TARBP1: variants seen among roughly 807,000 people sequenced by gnomAD.
TARBP1 encodes tRNA (guanosine(18)-2'-O)-methyltransferase TARBP1.
In TARBP1, 144 loss-of-function variants were observed where a neutral mutation model predicts 178.6. That is an observed-to-expected ratio of 0.81 (90% CI 0.70 to 0.93). The LOEUF (loss-of-function observed/expected upper bound fraction) is 0.93. Among genes scored for constraint, TARBP1 ranks in the 40% least tolerant of loss-of-function variants. The pLI is 0.00. For missense variants in TARBP1, 2,067 were observed against 2,011.7 expected (o/e 1.03, Z -0.53); for synonymous variants, 787 against 781.0 (o/e 1.01, Z -0.13).
At chr1:234,395,281 G>C (rs555995002) in intron 26 of TARBP1, among the ~76,000 whole-genome samples, 1 of 152,160 alleles carries the variant, frequency 6.6e-6, no homozygotes, top group Non-Finnish European at 1.5e-5. Context: ...AAAATTTTAA[G>C]AAGGAGAGTA....
chr1:234,476,907 C>T (rs1669617471), intron 1 of TARBP1, among the ~76,000 whole-genome samples: 1 of 152,194 alleles, frequency 6.6e-6, no homozygotes, highest in South Asian at 2.1e-4. Flanking sequence ...AATAACTGGC[C>T]GAGCGCGGTG....
At chr1:234,464,200 T>C (rs1335169760) in intron 5 of TARBP1, among the ~76,000 whole-genome samples, 1 of 152,214 alleles carries the variant, frequency 6.6e-6, no homozygotes, top group Non-Finnish European at 1.5e-5. Flanking sequence ...CCCTTCCACA[T>C]ATATGAATCT....
At chr1:234,457,594 C>T (rs1027064991) in intron 9 of TARBP1, 73 bp downstream of exon 9, 2 of 919,004 alleles carry the variant, frequency 2.2e-6, no homozygotes, top group Non-Finnish European at 3.3e-6. Flanking sequence ...ATATAAATGG[C>T]TACTAAGAAA....
In TARBP1 at chr1:234,478,553, GC is replaced by G; in HGVS notation, c.550del (p.Ala184ProfsTer43). ...GGGDGDEAGP[A>X]EDAAALVAGR... is the part of the protein sequence containing the mutation. ...GGCCACCAGCGCCGCCGCGTCCTCG[GC>G]AGGCCCGGCCTCATCCCCGTCCCCG... On this transcript the variant is annotated frameshift_variant, in exon 1 of 30. Coordinates refer to ENST00000040877, the MANE Select transcript of TARBP1 (RefSeq NM_005646.4). LOFTEE classifies it high-confidence loss of function. The G allele has an allele frequency of 7.4e-7, 1 of 1,344,136 alleles. No individual in the cohort carries two copies. Among genetic ancestry groups the G allele is most frequent in the Non-Finnish European group, 9.6e-7 (1 of 1,046,646 alleles). 83.3% of individuals were successfully genotyped at this position (1,344,136 alleles called of 1,614,324 possible).
rs551107646 is a variant in TARBP1 at position 234,465,471 on chromosome 1, G to GA, written c.1301+184dup. ...AAAAAGGAAACAAGAAAAAACAAAGGAGAAACACTTGATGCAAATCAGAAT... is the reference window on the plus strand; with the variant it reads ...AAAAAGGAAACAAGAAAAAACAAAGGAAGAAACACTTGATGCAAATCAGAAT... On this transcript the variant is annotated intron_variant, in intron 5 of 29. Transcript: ENST00000040877. Among the ~76,000 whole-genome samples the GA allele has an allele frequency of 4.3e-4, 65 of 152,040 alleles. No homozygotes were observed. The South Asian group carries it at 7.5e-3, about 17-fold the overall frequency.
chr1:234,416,525 G>A (rs1010477071), intron 22 of TARBP1, among the ~76,000 whole-genome samples: 1 of 152,158 alleles, frequency 6.6e-6, no homozygotes. Context: ...TCAAACTCCT[G>A]ACCTCAAGTA....
intron 28 of TARBP1, 115 bp from the exon 29 acceptor site, chr1:234,392,667 G>C: frequency 1.2e-6 from 1 of 816,450 alleles, no homozygotes; most frequent in Non-Finnish European, 1.8e-6. Flanking sequence ...AAAAAGGAGA[G>C]AATTATACAT....
intron 26 of TARBP1, among the ~76,000 whole-genome samples, chr1:234,394,707 G>C (rs937263384): frequency 6.6e-6 from 1 of 152,260 alleles, no homozygotes; most frequent in South Asian, 2.1e-4. Context: ...ACATGGTTCA[G>C]ACAGCAGCAA....
intron 24 of TARBP1, among the ~76,000 whole-genome samples, chr1:234,402,576 T>G (rs12068758): frequency 0.26 from 39,678 of 150,716 alleles, 5,459 homozygotes; most frequent in Non-Finnish European, 0.31. Flanking sequence ...TTGGACTTTG[T>G]TTGTTTGTTT....
In TARBP1 at chr1:234,412,413, C is replaced by T. The variant is rs893866979; in HGVS notation, c.3706-1882G>A. Among the ~76,000 whole-genome samples the T allele has an allele frequency of 1.4e-4, 21 of 148,650 alleles. No homozygotes were observed. In the East Asian group the frequency reaches 2.6e-3, roughly 18 times the overall value. ...CTCCAGCCTGGGGGACAGAGACAGA[C>T]GCCGTCTCAAAAAAAAAAAAAAAGA... On this transcript the variant is annotated intron_variant, in intron 22 of 29. Coordinates refer to ENST00000040877, the MANE Select transcript of TARBP1 (RefSeq NM_005646.4).
chr1:234,453,950 A>C (rs536597237), intron 9 of TARBP1, among the ~76,000 whole-genome samples: 16 of 152,322 alleles, frequency 1.1e-4, no homozygotes, highest in Middle Eastern at 3.4e-3. Context: ...AAACGAAAGG[A>C]GAGTCAGAGA....
chr1:234,429,434 C>A lies in TARBP1; in HGVS notation c.2853G>T (p.Leu951Phe). The part of the protein sequence containing the change: ...SDQVLPVFHC[L>F]KVLVPKLLTS... The stretch of plus-strand genomic sequence containing the variant: ...ATCTTACCTTGGGAACCAACACTTT[C>A]AAGCAATGGAACACTGGTAAAACTT... Residue 951 changes from leucine (L) to phenylalanine (F), a missense_variant, in exon 16 of 30, where the codon TTG becomes TTT. Coordinates refer to ENST00000040877, the MANE Select transcript of TARBP1 (RefSeq NM_005646.4). The A allele has an allele frequency of 3.1e-6, 5 of 1,612,132 alleles. No homozygotes were observed. The highest frequency in any genetic ancestry group is 4.2e-6 in the Non-Finnish European group (5 of 1,179,328).
intron 12 of TARBP1, among the ~76,000 whole-genome samples, chr1:234,440,963 C>T (rs1474336366): frequency 3.9e-5 from 6 of 152,120 alleles, no homozygotes; most frequent in Admixed American, 2.6e-4. Flanking sequence ...GTGGGCAGAT[C>T]GCCTGAGGTC....
Position 234,427,769 on chromosome 1 carries a change from G to T in TARBP1, c.3061-3C>A. The T allele has an allele frequency of 7.2e-7, 1 of 1,391,632 alleles. No individual in the cohort carries two copies. The highest frequency in any genetic ancestry group is 2.0e-5 in the South Asian group (1 of 49,352). 86.2% of individuals were successfully genotyped at this position (1,391,632 alleles called of 1,614,324 possible). On this transcript the variant is annotated splice_region_variant and splice_polypyrimidine_tract_variant and intron_variant, in intron 17 of 29. Transcript: ENST00000040877. ...ATTTCAATTATCTTGTACATAATCT[G>T]GAATAAAATACAACCGTCATTTTAT...
chr1:234,475,554 T>G (rs906994799), intron 1 of TARBP1, among the ~76,000 whole-genome samples: 1 of 152,218 alleles, frequency 6.6e-6, no homozygotes, highest in East Asian at 1.9e-4. Context: ...AGAATGCAGC[T>G]GCCACAGGTT....
chr1:234,430,197 G>C lies in TARBP1; in HGVS notation c.2499C>G (p.Leu833=), dbSNP rs539256633. Residue 833 remains leucine (L), a synonymous_variant, in exon 15 of 30, where the codon CTC becomes CTG. Coordinates refer to ENST00000040877, the MANE Select transcript of TARBP1 (RefSeq NM_005646.4). ...GGAAGCTTTCCAGGGGCCCAGCATG[G>C]AGAGAGTCCAGCTGCAGCTCAGGCT... ...DQKPELQLDS[L]HAGPLESFLS... The C allele has an allele frequency of 1.4e-5, 22 of 1,614,190 alleles. No individual in the cohort carries two copies. The highest frequency in any genetic ancestry group is 4.5e-5 in the East Asian group (2 of 44,886).
At chr1:234,463,799 C>A in intron 6 of TARBP1, 38 bp downstream of exon 6, 1 of 1,249,192 alleles carries the variant, frequency 8.0e-7, no homozygotes, top group Non-Finnish European at 1.1e-6. Context: ...AAACTGTAAG[C>A]TAAAGCATTT....
chr1:234,435,109 T>C (rs1664864971), intron 13 of TARBP1, among the ~76,000 whole-genome samples: 1 of 152,118 alleles, frequency 6.6e-6, no homozygotes. Context: ...GAGAAGGACA[T>C]AGGGCGCTAG....
chr1:234,435,533 G>T (rs926641786), intron 13 of TARBP1, among the ~76,000 whole-genome samples: 3 of 152,164 alleles, frequency 2.0e-5, no homozygotes, highest in African/African-American at 7.2e-5. Flanking sequence ...AAATGCTCAT[G>T]AAAAGAATTC....
Sources: gnomAD v4.1 joint callset for allele counts (sites outside exome capture counted in the v4.1 genomes callset) on GRCh38, gnomAD v4.1.1 for gene constraint, MANE v1.5 for transcripts, NCBI Gene and HGNC (gene_info 2026-07-23, HGNC 2026-07-21) for gene names.